The following MAGI2 variants were observed in gnomAD, a reference collection of about 807,000 sequenced individuals.
The protein encoded by MAGI2 is membrane associated guanylate kinase, WW and PDZ domain containing 2.
A neutral mutation model predicts 133.3 loss-of-function variants in MAGI2; 35 were observed. The ratio of observed to expected loss-of-function variants is 0.26; its 90% CI spans 0.20 to 0.35. The LOEUF is 0.35. Among genes scored for constraint, MAGI2 ranks in the 10% least tolerant of loss-of-function variants. MAGI2 has a pLI of 1.00. For synonymous variants in MAGI2, 729 were observed against 710.6 expected (o/e 1.03, Z -0.41); for missense variants, 1,636 against 1,863.4 (o/e 0.88, Z 2.25).
At chr7:78,649,222 T>TGAAAAAAAAAAAAAAAAAAAAAA (rs1811238788) in intron 2 of MAGI2, among the ~76,000 whole-genome samples, 1 of 45,052 alleles carries the variant, frequency 2.2e-5, no homozygotes, top group Non-Finnish European at 3.8e-5. Context: ...TGACTTGTGG[T>TGAAAAAAAAAAAAAAAAAAAAAA]AAAAAAAAAA....
In MAGI2 at chr7:78,087,548, G is replaced by T. The variant is rs186044915; in HGVS notation, c.3568-8463C>A. ...TCATAATGAACCTGGGAGAGAAGCG[G>T]TTGAGCTTCTGAGGGTGTATTAAAT... On this transcript the variant is annotated intron_variant, in intron 20 of 21. Coordinates refer to ENST00000354212, the MANE Select transcript of MAGI2 (RefSeq NM_012301.4). 2.4e-3 allele frequency among the ~76,000 whole-genome samples: 365 copies of T among 152,256 alleles called. 3 individuals are homozygous for T. Among genetic ancestry groups the T allele is most frequent in the Non-Finnish European group, 1.9e-3 (127 of 68,026 alleles).
At chr7:78,913,618 CTGTTT>C (rs1372172190) in intron 2 of MAGI2, among the ~76,000 whole-genome samples, 1 of 152,226 alleles carries the variant, frequency 6.6e-6, no homozygotes, top group Admixed American at 6.5e-5. Flanking sequence ...TCCTATCATT[CTGTTT>C]TGTCTGTCTA....
At position 78,430,523 on chromosome 7, in the gene MAGI2, T is replaced by TAA. The variant is rs770084099; in HGVS notation, c.1045+59236_1045+59237dup. ...CTGAATATACTTAGTTTTTGAGTTT[T>TAA]AATTATAAACCATTTCTTCTGATAA... On this transcript the variant is annotated intron_variant, in intron 6 of 21. Coordinates refer to ENST00000354212, the MANE Select transcript of MAGI2 (RefSeq NM_012301.4). Among the ~76,000 whole-genome samples, 218 of 152,170 alleles carry TAA rather than the reference T, an allele frequency of 1.4e-3. 6 individuals are homozygous for TAA. Among genetic ancestry groups the TAA allele is most frequent in the South Asian group, 1.0e-3 (5 of 4,820 alleles).
intron 1 of MAGI2, among the ~76,000 whole-genome samples, chr7:79,287,858 ATATT>A (rs1386630703): frequency 6.6e-6 from 1 of 151,716 alleles, no homozygotes; most frequent in African/African-American, 2.4e-5. Flanking sequence ...ATATTTTCTA[ATATT>A]TAAACACAAA....
At chr7:78,775,227 G>GGTGT (rs1411947301) in intron 2 of MAGI2, among the ~76,000 whole-genome samples, 1 of 149,838 alleles carries the variant, frequency 6.7e-6, no homozygotes. Flanking sequence ...GCAGGCGAAT[G>GGTGT]GTGTGAACCC....
chr7:78,128,805 G>A (rs1385160568), intron 18 of MAGI2, among the ~76,000 whole-genome samples: 1 of 152,152 alleles, frequency 6.6e-6, no homozygotes, highest in African/African-American at 2.4e-5. Flanking sequence ...ACCCTGCAGA[G>A]GAGAGGCATT....
chr7:78,557,082 A>G (rs1238974734), intron 3 of MAGI2, among the ~76,000 whole-genome samples: 5 of 137,540 alleles, frequency 3.6e-5, no homozygotes, highest in East Asian at 2.7e-4. Context: ...CAGAGTCTCA[A>G]AAAAAAAAAA....
rs140663103 is a variant in MAGI2 at position 78,944,207 on chromosome 7, C to T, written c.418+62883G>A. On this transcript the variant is annotated intron_variant, in intron 2 of 21. Coordinates refer to ENST00000354212, the MANE Select transcript of MAGI2 (RefSeq NM_012301.4). ...TCACCTACACTCATACTATTGCACT[C>T]ATACTTTTATAATGATCCCCCTGAC... Among the ~76,000 whole-genome samples the T allele has an allele frequency of 3.6e-4, 55 of 152,296 alleles. No individual in the cohort carries two copies. In the East Asian group the frequency reaches 9.5e-3, roughly 26 times the overall value.
At chr7:78,322,443 T>G (rs1025318844) in intron 9 of MAGI2, among the ~76,000 whole-genome samples, 1 of 152,116 alleles carries the variant, frequency 6.6e-6, no homozygotes, top group Non-Finnish European at 1.5e-5. Flanking sequence ...AAAAAGGATA[T>G]GTTTCTGTCC....
chr7:78,361,505 G>C (rs1337165804), intron 7 of MAGI2, among the ~76,000 whole-genome samples: 3 of 151,912 alleles, frequency 2.0e-5, no homozygotes, highest in Non-Finnish European at 4.4e-5. Flanking sequence ...GTTGGTGTGA[G>C]AGGAATGGTT....
Position 78,521,587 on chromosome 7 carries a change from T to A in MAGI2, c.597A>T (p.Val199=). The A allele has an allele frequency of 6.2e-7, 1 of 1,614,150 alleles. No homozygotes were observed. Among genetic ancestry groups the A allele is most frequent in the Non-Finnish European group, 8.5e-7 (1 of 1,180,008 alleles). Reference sequence around the variant, plus strand: ...TGGCTCCTGGAAGTATCTGGTCTGTTACATTTAACAATAATGGTGCTGGTT... The same window carrying A: ...TGGCTCCTGGAAGTATCTGGTCTGTAACATTTAACAATAATGGTGCTGGTT... ...PAEPAPLLLN[V]TDQILPGATP... is the part of the protein sequence containing the mutation. Residue 199 remains valine (V), a synonymous_variant, in exon 4 of 22, where the codon GTA becomes GTT. Transcript: ENST00000354212.
chr7:78,534,474 T>A (rs1409817106), intron 3 of MAGI2, among the ~76,000 whole-genome samples: 4 of 152,174 alleles, frequency 2.6e-5, no homozygotes, highest in African/African-American at 9.7e-5. Context: ...TGTATATATA[T>A]GTGTGTGTGC....
At position 79,236,183 on chromosome 7, in the gene MAGI2, G is replaced by A. The variant is rs186644812; in HGVS notation, c.301+216837C>T. ...TCCTTTTGTCTTATCTGAAACATCT[G>A]CCAGTAGCCATAATCTTAAATGATA... On this transcript the variant is annotated intron_variant, in intron 1 of 21. Transcript: ENST00000354212. Among the ~76,000 whole-genome samples the A allele has an allele frequency of 7.2e-5, 11 of 152,302 alleles. No individual in the cohort carries two copies. In the East Asian group the frequency reaches 1.9e-3, roughly 27 times the overall value.
At chr7:79,073,504 TA>T (rs1189315945) in intron 1 of MAGI2, among the ~76,000 whole-genome samples, 2 of 152,160 alleles carry the variant, frequency 1.3e-5, no homozygotes. Context: ...CTCTTAATTC[TA>T]TTTCCTAAAC....
chr7:78,339,071 A>G (rs140681861), intron 9 of MAGI2, among the ~76,000 whole-genome samples: 1 of 152,354 alleles, frequency 6.6e-6, no homozygotes, highest in African/African-American at 2.4e-5. Context: ...TGTGGTTATT[A>G]CGTACCTATT....
At chr7:78,586,356 C>A (rs944560043) in intron 3 of MAGI2, among the ~76,000 whole-genome samples, 26 of 149,958 alleles carry the variant, frequency 1.7e-4, no homozygotes, top group Non-Finnish European at 2.2e-4. Flanking sequence ...GCTAAGAGTC[C>A]CCCCCAAACA....
chr7:79,438,234 C>T (rs140893734), intron 1 of MAGI2, among the ~76,000 whole-genome samples: 37 of 152,212 alleles, frequency 2.4e-4, no homozygotes, highest in African/African-American at 7.0e-4. Flanking sequence ...ACACATTATA[C>T]GAGCCGGCGC....
At chr7:78,109,433 C>T (rs9785011) in intron 20 of MAGI2, among the ~76,000 whole-genome samples, 9,542 of 149,664 alleles carry the variant, frequency 0.064, 660 homozygotes, top group African/African-American at 0.16. Flanking sequence ...AAGATCGAGA[C>T]CATCCTGGCT....
intron 1 of MAGI2, among the ~76,000 whole-genome samples, chr7:79,031,568 A>T (rs555756920): frequency 3.3e-5 from 5 of 152,310 alleles, no homozygotes; most frequent in Non-Finnish European, 7.4e-5. Context: ...ATAAAGGGCA[A>T]TTAGCAAGTA....
Sources: gnomAD v4.1 joint callset for allele counts (sites outside exome capture counted in the v4.1 genomes callset) on GRCh38, gnomAD v4.1.1 for gene constraint, MANE v1.5 for transcripts, NCBI Gene and HGNC (gene_info 2026-07-23, HGNC 2026-07-21) for gene names.